The following HIVEP2 variants were observed in gnomAD, a reference collection of about 807,000 sequenced individuals.
The protein encoded by HIVEP2 is HIVEP zinc finger 2.
Under a neutral mutation model 180.7 loss-of-function variants are expected in HIVEP2, and 14 were observed. The observed-to-expected ratio is 0.08, with a 90% CI of 0.05 to 0.12. The LOEUF (loss-of-function observed/expected upper bound fraction) is 0.12. Ranked by LOEUF, HIVEP2 falls within the 10% of genes least tolerant of loss-of-function variation. HIVEP2 has a pLI of 1.00. For missense variants in HIVEP2, 2,579 were observed against 3,008.5 expected (o/e 0.86, Z 3.34); for synonymous variants, 1,184 against 1,136.4 (o/e 1.04, Z -0.84).
At chr6:142,893,157 T>C (rs1776902699) in intron 1 of HIVEP2, among the ~76,000 whole-genome samples, 2 of 152,198 alleles carry the variant, frequency 1.3e-5, no homozygotes. Flanking sequence ...CCCAGGTTTG[T>C]AAACCTTTTC....
intron 1 of HIVEP2, among the ~76,000 whole-genome samples, chr6:142,926,402 T>C (rs1479817614): frequency 6.6e-6 from 1 of 152,258 alleles, no homozygotes; most frequent in Non-Finnish European, 1.5e-5. Context: ...ATTAACGGCA[T>C]GATGTTTGTG....
At position 142,843,228 on chromosome 6, in the gene HIVEP2, C is replaced by A. The variant is rs900847559; in HGVS notation, c.-640-6181G>T. On this transcript the variant is annotated intron_variant, in intron 1 of 9. Transcript: ENST00000367603. ...CTGGTCTACACTTTGAGAAGCAAGA[C>A]TGTAGTCTGTAACAATAGTTTCCTA... Among the ~76,000 whole-genome samples, 5 of 152,194 alleles carry A rather than the reference C, an allele frequency of 3.3e-5. 1 individual carries two copies. The highest frequency in any genetic ancestry group is 7.3e-5 in the Non-Finnish European group (5 of 68,036).
chr6:142,860,254 A>G (rs2142938), intron 1 of HIVEP2, among the ~76,000 whole-genome samples: 27,142 of 152,146 alleles, frequency 0.18, 2,602 homozygotes, highest in South Asian at 0.22. Context: ...CTCCTGATGA[A>G]AGGAAAATAT....
intron 1 of HIVEP2, among the ~76,000 whole-genome samples, chr6:142,880,766 T>G (rs945025624): frequency 1.3e-5 from 2 of 152,102 alleles, no homozygotes; most frequent in Non-Finnish European, 2.9e-5. Context: ...CTTCCTAGAT[T>G]CCCTCCATCC....
intron 3 of HIVEP2, among the ~76,000 whole-genome samples, chr6:142,782,545 T>C (rs1490809839): frequency 6.6e-6 from 1 of 152,200 alleles, no homozygotes; most frequent in African/African-American, 2.4e-5. Context: ...AAATTCATTA[T>C]AAAGGCTTCT....
At chr6:142,831,083 GC>G (rs1775067659) in intron 2 of HIVEP2, among the ~76,000 whole-genome samples, 1 of 152,208 alleles carries the variant, frequency 6.6e-6, no homozygotes, top group Non-Finnish European at 1.5e-5. Flanking sequence ...GCCCTTGCGT[GC>G]CTGGGATCCA....
At chr6:142,776,465 T>C (rs1416064236) in intron 3 of HIVEP2, among the ~76,000 whole-genome samples, 4 of 152,220 alleles carry the variant, frequency 2.6e-5, no homozygotes, top group Non-Finnish European at 4.4e-5. Context: ...TGAAACATCT[T>C]AGTTACTTAA....
chr6:142,917,621 A>G (rs1777588755), intron 1 of HIVEP2, among the ~76,000 whole-genome samples: 1 of 152,240 alleles, frequency 6.6e-6, no homozygotes, highest in Non-Finnish European at 1.5e-5. Flanking sequence ...CATGTACTCA[A>G]CTACCACCAA....
chr6:142,858,719 G>A (rs1467232615), intron 1 of HIVEP2, among the ~76,000 whole-genome samples: 2 of 152,032 alleles, frequency 1.3e-5, no homozygotes, highest in Non-Finnish European at 2.9e-5. Flanking sequence ...AGCCTCCCAA[G>A]TAGCTGGGAT....
rs13204604 is a variant in HIVEP2 at position 142,780,408 on chromosome 6, C to T, written c.-433+3113G>A. Among the ~76,000 whole-genome samples, 803 of 152,276 alleles carry T rather than the reference C, an allele frequency of 5.3e-3. 4 individuals carry two copies. Among genetic ancestry groups the T allele is most frequent in the Middle Eastern group, 0.027 (8 of 294 alleles). On this transcript the variant is annotated intron_variant, in intron 3 of 9. Coordinates refer to ENST00000367603, the MANE Select transcript of HIVEP2 (RefSeq NM_006734.4). ...CATGCTTATTTCACATGAACTTTCA[C>T]ATTTGATTTGAAACATGTTTGAGGA...
chr6:142,762,475 CACACACACACACACACACAT>C (rs1471992559), intron 7 of HIVEP2, among the ~76,000 whole-genome samples: 4 of 144,506 alleles, frequency 2.8e-5, no homozygotes, highest in Admixed American at 7.0e-5. Flanking sequence ...CACACACACA[CACACACACACACACACACAT>C]ACATATAAAT....
At chr6:142,927,376 G>A (rs946921193) in intron 1 of HIVEP2, among the ~76,000 whole-genome samples, 16 of 152,168 alleles carry the variant, frequency 1.1e-4, no homozygotes, top group Non-Finnish European at 2.2e-4. Context: ...TCACGTAAGT[G>A]TTGTTGCAGT....
intron 1 of HIVEP2, among the ~76,000 whole-genome samples, chr6:142,904,428 T>C (rs1777212716): frequency 1.3e-5 from 2 of 152,222 alleles, no homozygotes; most frequent in Admixed American, 1.3e-4. Flanking sequence ...CTGTTGTTCA[T>C]GTTGAACAAC....
intron 1 of HIVEP2, among the ~76,000 whole-genome samples, chr6:142,846,712 T>G (rs2114912377): frequency 6.6e-6 from 1 of 152,046 alleles, no homozygotes; most frequent in South Asian, 2.1e-4. Flanking sequence ...CCAGGAGAGG[T>G]TTACCCACTT....
Position 142,873,624 on chromosome 6 carries a change from T to C in HIVEP2, c.-640-36577A>G, listed in dbSNP as rs560998442. On this transcript the variant is annotated intron_variant, in intron 1 of 9. Coordinates refer to ENST00000367603, the MANE Select transcript of HIVEP2 (RefSeq NM_006734.4). ...CACACATTTTCCAGCCACTCTGGAT[T>C]GAGAGAAATACACCATTTGCGTATA... is the stretch of plus-strand genomic sequence containing the variant. Among the ~76,000 whole-genome samples the C allele has an allele frequency of 6.6e-5, 10 of 152,316 alleles. 1 individual carries two copies. In the East Asian group the frequency reaches 1.9e-3, roughly 29 times the overall value.
intron 7 of HIVEP2, among the ~76,000 whole-genome samples, chr6:142,764,329 A>G (rs2114626277): frequency 6.6e-6 from 1 of 152,368 alleles, no homozygotes; most frequent in South Asian, 2.1e-4. Flanking sequence ...TCAAATTTCT[A>G]TGCATAATTA....
In HIVEP2 at chr6:142,760,150, G is replaced by C. The variant is rs1229203690; in HGVS notation, c.6138C>G (p.Ser2046=). The C allele has an allele frequency of 6.2e-7, 1 of 1,614,130 alleles. No individual in the cohort carries two copies. Among genetic ancestry groups the C allele is most frequent in the South Asian group, 1.1e-5 (1 of 91,074 alleles). ...PRDFSPSSHH[S]SPGYDSSPCR... The stretch of plus-strand genomic sequence containing the variant: ...AGGGTGAAGAATCATATCCTGGAGA[G>C]GAATGGTGGCTTGAGGGTGAGAAGT... The change falls in exon 9 of 10, where the codon TCC becomes TCG. Residue 2046 remains serine, a synonymous_variant. Coordinates refer to ENST00000367603, the MANE Select transcript of HIVEP2 (RefSeq NM_006734.4).
chr6:142,858,380 A>G (rs573745378), intron 1 of HIVEP2, among the ~76,000 whole-genome samples: 11 of 151,912 alleles, frequency 7.2e-5, no homozygotes, highest in African/African-American at 2.7e-4. Context: ...GCTGGGCAGG[A>G]TGATAAATAT....
chr6:142,943,139 T>C lies in HIVEP2; in HGVS notation c.-641+1960A>G, dbSNP rs1173734845. 6.6e-6 allele frequency among the ~76,000 whole-genome samples: 1 copy of C among 152,176 alleles called. No homozygotes were observed. Among genetic ancestry groups the C allele is most frequent in the Non-Finnish European group, 1.5e-5 (1 of 68,028 alleles). ...GGGAATTTTCTCTTAATAATGAAAATGATACCCACTTTAGTCACAGAAAGG... is the reference window on the plus strand; with the variant it reads ...GGGAATTTTCTCTTAATAATGAAAACGATACCCACTTTAGTCACAGAAAGG... On this transcript the variant is annotated intron_variant, in intron 1 of 9. Transcript: ENST00000367603. The surrounding 1 kb of genome is among the most constrained non-coding windows in gnomAD (Gnocchi z 4.5).
Sources: gnomAD v4.1 joint callset for allele counts (sites outside exome capture counted in the v4.1 genomes callset) on GRCh38, gnomAD v4.1.1 for gene constraint, Gnocchi (gnomAD v3.1) non-coding constraint, MANE v1.5 for transcripts, NCBI Gene and HGNC (gene_info 2026-07-23, HGNC 2026-07-21) for gene names.